The following KCNH5 variants were observed in gnomAD, a reference collection of about 807,000 sequenced individuals.
The protein encoded by KCNH5 is voltage-gated delayed rectifier potassium channel KCNH5.
In KCNH5, 46 loss-of-function variants were observed where a neutral mutation model predicts 96.1. That is an observed-to-expected ratio of 0.48 (90% CI 0.38 to 0.61). KCNH5 has a LOEUF of 0.61. KCNH5 is among the 20% of genes least tolerant of loss of function. The probability of loss-of-function intolerance (pLI) is 0.00; values close to 1 mark genes in which losing one functional copy is unlikely to be tolerated. For missense variants in KCNH5, 907 were observed against 1,225.8 expected, an observed-to-expected ratio of 0.74 and a Z score of 3.88; for synonymous variants, 439 against 449.8, an observed-to-expected ratio of 0.98 and a Z score of 0.30.
chr14:62,970,368 T>C (rs1890383934), intron 6 of KCNH5, among the ~76,000 whole-genome samples: 1 of 152,068 alleles, frequency 6.6e-6, no homozygotes, highest in Admixed American at 6.6e-5. Flanking sequence ...ACACAAAGCA[T>C]TAGGCCCAGA....
chr14:62,885,018 A>G (rs959967662), intron 7 of KCNH5, among the ~76,000 whole-genome samples: 11 of 152,244 alleles, frequency 7.2e-5, no homozygotes, highest in Non-Finnish European at 1.6e-4. Flanking sequence ...CTCAAATCCC[A>G]GTACTCTATA....
intron 4 of KCNH5, among the ~76,000 whole-genome samples, chr14:62,988,823 G>A (rs1156710622): frequency 6.6e-6 from 1 of 151,996 alleles, no homozygotes; most frequent in African/African-American, 2.4e-5. Context: ...TGTCTAGCTA[G>A]CCACTGGACT....
intron 7 of KCNH5, among the ~76,000 whole-genome samples, chr14:62,895,329 C>G (rs907633943): frequency 6.6e-6 from 1 of 150,946 alleles, no homozygotes; most frequent in Non-Finnish European, 1.5e-5. Flanking sequence ...CATTCAGCAT[C>G]ATGACTTTTT....
At chr14:62,825,786 ACTTT>A (rs1243274428) in intron 8 of KCNH5, among the ~76,000 whole-genome samples, 2 of 147,204 alleles carry the variant, frequency 1.4e-5, no homozygotes, top group Non-Finnish European at 3.0e-5. Flanking sequence ...TTTCTCTCTT[ACTTT>A]GTCTCTCTTG....
chr14:62,898,051 A>G (rs1406480668), intron 7 of KCNH5, among the ~76,000 whole-genome samples: 4 of 152,206 alleles, frequency 2.6e-5, no homozygotes, highest in African/African-American at 7.2e-5. Context: ...TGCTAAGTAT[A>G]TGGCATTGCC....
chr14:62,973,118 CA>C (rs1890440045), intron 6 of KCNH5, among the ~76,000 whole-genome samples: 4 of 85,838 alleles, frequency 4.7e-5, no homozygotes, highest in Admixed American at 3.0e-4. Context: ...GCAAAGGGTA[CA>C]GTACATGGGA....
At chr14:62,841,648 A>T (rs1489860003) in intron 8 of KCNH5, among the ~76,000 whole-genome samples, 2 of 152,262 alleles carry the variant, frequency 1.3e-5, no homozygotes, top group Admixed American at 6.5e-5. Flanking sequence ...AAATGGTGCC[A>T]GGCATAACAC....
In KCNH5 at chr14:62,925,005, T is replaced by C. The variant is rs117859313; in HGVS notation, c.1369+25128A>G. ...GGTAACTGTGAGGTGGTGGATATGT[T>C]AATTAGCTTCATTGGGATAATCACT... is the stretch of plus-strand genomic sequence containing the variant. On this transcript the variant is annotated intron_variant, in intron 7 of 10. Transcript: ENST00000322893. Among the ~76,000 whole-genome samples the C allele has an allele frequency of 6.0e-4, 92 of 152,120 alleles. 2 individuals are homozygous for C. The East Asian group carries it at 0.016, about 27-fold the overall frequency.
At chr14:62,818,408 A>C (rs990960296) in intron 8 of KCNH5, among the ~76,000 whole-genome samples, 1 of 152,172 alleles carries the variant, frequency 6.6e-6, no homozygotes, top group African/African-American at 2.4e-5. Context: ...CTAACATAAA[A>C]ATTTCGAAAG....
At chr14:62,899,357 T>A (rs1038086392) in intron 7 of KCNH5, among the ~76,000 whole-genome samples, 3 of 152,030 alleles carry the variant, frequency 2.0e-5, no homozygotes, top group Non-Finnish European at 4.4e-5. Context: ...GACATCAAAA[T>A]AGGAAAACAA....
Position 62,849,727 on chromosome 14 carries a change from T to C in KCNH5, c.1495A>G (p.Lys499Glu). 2 of 1,613,966 alleles carry C rather than the reference T, an allele frequency of 1.2e-6. No individual in the cohort carries two copies. Among genetic ancestry groups the C allele is most frequent in the Non-Finnish European group, 1.7e-6 (2 of 1,179,884 alleles). ...RDFLKLYQVP[K>E]GLSERVMDYI... ...TCCATGACTCGCTCACTAAGGCCTT[T>C]TGGGACCTGATAGAGTTTTAGGAAG... is the stretch of plus-strand genomic sequence containing the variant. Residue 499 changes from lysine (K) to glutamate (E), a missense_variant, in exon 8 of 11, where the codon AAA becomes GAA. Lys to Glu is a moderately conservative substitution (Grantham distance 56). Transcript: ENST00000322893.
chr14:63,009,081 G>A (rs1347913726), intron 2 of KCNH5, among the ~76,000 whole-genome samples: 2 of 152,088 alleles, frequency 1.3e-5, no homozygotes, highest in African/African-American at 2.4e-5. Flanking sequence ...AATGACAGGT[G>A]TCTGTGGTTC....
At chr14:62,998,009 T>C (rs1242283499) in intron 4 of KCNH5, among the ~76,000 whole-genome samples, 1 of 152,088 alleles carries the variant, frequency 6.6e-6, no homozygotes, top group Non-Finnish European at 1.5e-5. Flanking sequence ...CAGAATAGGT[T>C]AAGAGAGCTC....
chr14:62,794,538 T>A (rs992373966), intron 9 of KCNH5, among the ~76,000 whole-genome samples: 33 of 152,054 alleles, frequency 2.2e-4, no homozygotes, highest in Non-Finnish European at 8.8e-5. Flanking sequence ...CTCTGTAAGA[T>A]GACTACAATA....
At chr14:62,764,117 T>C (rs1191912539) in intron 10 of KCNH5, among the ~76,000 whole-genome samples, 1 of 151,922 alleles carries the variant, frequency 6.6e-6, no homozygotes, top group Non-Finnish European at 1.5e-5. Flanking sequence ...AGAGATGCAA[T>C]AATCCTCAAC....
At chr14:62,785,298 T>G (rs1213943239) in intron 9 of KCNH5, among the ~76,000 whole-genome samples, 4 of 152,210 alleles carry the variant, frequency 2.6e-5, no homozygotes, top group African/African-American at 9.6e-5. Flanking sequence ...ATCCCAGAAA[T>G]CATAGGCTGT....
intron 7 of KCNH5, among the ~76,000 whole-genome samples, chr14:62,931,757 G>C (rs1160135965): frequency 2.0e-5 from 3 of 152,174 alleles, no homozygotes; most frequent in Admixed American, 6.6e-5. Context: ...TTAAGAAACA[G>C]ATGGACACCT....
chr14:62,890,691 T>A (rs1467541709), intron 7 of KCNH5, among the ~76,000 whole-genome samples: 1 of 109,202 alleles, frequency 9.2e-6, no homozygotes, highest in Non-Finnish European at 1.7e-5. Context: ...AGAGCGAGAC[T>A]CCGTCTCAAA....
intron 8 of KCNH5, 55 bp from the exon 9 acceptor site, chr14:62,802,636 G>GA: frequency 3.2e-6 from 5 of 1,578,788 alleles, no homozygotes; most frequent in Non-Finnish European, 4.3e-6. Flanking sequence ...GGCCACTTCA[G>GA]AAAAACAATC....
Sources: allele counts gnomAD v4.1 joint callset (sites outside exome capture counted in the v4.1 genomes callset), GRCh38; gene constraint gnomAD v4.1.1; transcripts MANE v1.5; gene names NCBI Gene and HGNC (gene_info 2026-07-23, HGNC 2026-07-21).